Variants in SV2A observed in about 807,000 individuals in gnomAD.
The protein encoded by SV2A is synaptic vesicle glycoprotein 2A, also known as solute carrier family 22 member B1.
In SV2A, 25 loss-of-function variants were observed where a neutral mutation model predicts 78.0. The ratio of observed to expected loss-of-function variants is 0.32; its 90% confidence interval spans 0.23 to 0.45. The LOEUF is 0.45. Ranked by LOEUF, SV2A falls within the 20% of genes least tolerant of loss-of-function variation. The pLI is 1.00. For missense variants in SV2A, 752 were observed against 971.5 expected, an observed-to-expected ratio of 0.77 and a Z score of 3.00; for synonymous variants, 355 against 384.7, an observed-to-expected ratio of 0.92 and a Z score of 0.90.
rs781932582 is a variant in SV2A, at chr1:149,905,947, C to T, written c.1978G>A (p.Gly660Arg). 2 of 1,614,136 alleles carry T rather than the reference C, an allele frequency of 1.2e-6. No homozygotes were observed. The highest frequency in any genetic ancestry group is 1.7e-5 in the Admixed American group (1 of 60,018). The change falls in exon 12 of 13, where the codon GGG becomes AGG. Residue 660 changes from glycine (G) to arginine (R), a missense_variant. Physicochemically the swap from Gly to Arg is moderately radical, Grantham distance 125 (BLOSUM62 -2). This residue lies in a region of SV2A where 186 missense variants were observed against 274.6 expected (regional missense o/e 0.68). Coordinates refer to ENST00000369146, the MANE Select transcript of SV2A (RefSeq NM_014849.5). ...AMIALLCLFG[G>R]VSIASWNALD... ...GCATTCCAGGATGCAATGCTGACCC[C>T]GCCAAAAAGGCAGAGCAGAGCGATC...
chr1:149,905,596 G>A (rs782718727), intron 12 of SV2A: 97 of 352,262 alleles, frequency 2.8e-4, no homozygotes, highest in Non-Finnish European at 4.4e-4. Context: ...TGCGATTACA[G>A]GCACCCAGCT....
chr1:149,909,374 A>C (rs2092460559), intron 7 of SV2A, 87 bp downstream of exon 7: 11 of 1,544,238 alleles, frequency 7.1e-6, no homozygotes, highest in Non-Finnish European at 7.2e-6. Flanking sequence ...CCTTCAGCTC[A>C]CCCATCACCC....
Position 149,908,115 on chromosome 1 carries a change from G to T in SV2A, c.1471C>A (p.Arg491Ser). ...AAGTTAAAAGTTACATGCTCTACGC[G>T]CTCCCCGGGGAACACTTTGGTGCGG... ...ASRTKVFPGE[R>S]VEHVTFNFTL... The change falls in exon 9 of 13, where the codon CGC becomes AGC. Residue 491 changes from arginine to serine, a missense_variant. By Grantham distance (110) the Arg-to-Ser change is moderately radical (BLOSUM62 -1). This residue lies in a region of SV2A where 81 missense variants were observed against 74.2 expected (regional missense o/e 1.09). Transcript: ENST00000369146. 6.2e-7 allele frequency: 1 copy of T among 1,614,140 alleles called. No homozygotes were observed. Among genetic ancestry groups the T allele is most frequent in the African/African-American group, 1.3e-5 (1 of 75,010 alleles).
At position 149,909,632 on chromosome 1, in the gene SV2A, G is replaced by A. The variant is rs975883790; in HGVS notation, c.1180-61C>T. 195 of 1,526,510 alleles carry A rather than the reference G, an allele frequency of 1.3e-4. 1 individual carries two copies. The South Asian group carries it at 1.5e-3, about 11-fold the overall frequency. The allele number at this position is 1,526,510 out of a possible 1,614,324, so 94.6% of individuals were successfully genotyped here. ...CTGTGTTTCCCAACATCGGCCAGGC[G>A]CCTCAGTTTCCCCTGCATTAGCAAA... is the stretch of plus-strand genomic sequence containing the variant. On this transcript the variant is annotated intron_variant, in intron 6 of 12. Transcript: ENST00000369146.
intron 8 of SV2A, among the ~76,000 whole-genome samples, chr1:149,908,660 C>T (rs587646603): frequency 4.6e-5 from 7 of 151,540 alleles, no homozygotes; most frequent in South Asian, 4.2e-4. Context: ...TCTTTTGAGA[C>T]GGAGTCTCGC....
intron 8 of SV2A, 25 bp from the exon 9 acceptor site, chr1:149,908,231 C>T: frequency 6.2e-7 from 1 of 1,602,078 alleles, no homozygotes; most frequent in Non-Finnish European, 8.5e-7. Flanking sequence ...ACAATGGAAA[C>T]AGACAACAGG....
rs782192048 is a variant in SV2A at position 149,913,799 on chromosome 1, C to T, written c.42G>A (p.Gly14=). Residue 14 remains glycine (G), a synonymous_variant, in exon 2 of 13, where the codon GGG becomes GGA. Transcript: ENST00000369146. ...GFRDRAAFIR[G]AKDIAKEVKK... ...TGACTTCCTTAGCAATGTCTTTGGC[C>T]CCACGGATGAAAGCTGCCCGGTCTC... 2.5e-6 allele frequency: 4 copies of T among 1,613,090 alleles called. No individual in the cohort carries two copies. The South Asian group carries it at 3.3e-5, about 13-fold the overall frequency.
chr1:149,906,265 C>A (rs1553762735), intron 11 of SV2A, among the ~76,000 whole-genome samples: 1 of 152,184 alleles, frequency 6.6e-6, no homozygotes, highest in African/African-American at 2.4e-5. Flanking sequence ...CAGCCATGGG[C>A]CAAGGCAATT....
Position 149,913,871 on chromosome 1 carries a change from C to T in SV2A, c.-31G>A, listed in dbSNP as rs1218089536. On this transcript the variant is annotated 5_prime_UTR_variant, in exon 2 of 13. Coordinates refer to ENST00000369146, the MANE Select transcript of SV2A (RefSeq NM_014849.5). ...GGCTTGGGGCACTTCACTGGGTCTTCTCCACCTCCTGCTTCTTTTTCAGCT... is the reference window on the plus strand; with the variant it reads ...GGCTTGGGGCACTTCACTGGGTCTTTTCCACCTCCTGCTTCTTTTTCAGCT... 1.3e-6 allele frequency: 2 copies of T among 1,560,218 alleles called. No individual in the cohort carries two copies. Among genetic ancestry groups the T allele is most frequent in the African/African-American group, 2.7e-5 (2 of 72,748 alleles).
intron 2 of SV2A, 138 bp downstream of exon 2, chr1:149,913,081 C>T: frequency 8.9e-7 from 1 of 1,118,254 alleles, no homozygotes; most frequent in Non-Finnish European, 1.3e-6. Context: ...GAAGAGTGTG[C>T]AGAGGAACCC....
At position 149,907,771 on chromosome 1, in the gene SV2A, A is replaced by G; in HGVS notation, c.1607T>C (p.Phe536Ser). The stretch of plus-strand genomic sequence containing the variant: ...CGTGTTGCTGGATGTGACATCCTCA[A>G]AATAACACTCTTCAAACAGGGAATC... ...FEDSLFEECY[F>S]EDVTSSNTFF... is the part of the protein sequence containing the mutation. Residue 536 changes from phenylalanine to serine, a missense_variant, in exon 10 of 13, where the codon TTT (phenylalanine) becomes TCT (serine). This residue lies in a region of SV2A where 186 missense variants were observed against 274.6 expected (regional missense o/e 0.68). Transcript: ENST00000369146. 1 of 1,614,220 alleles carries G rather than the reference A, an allele frequency of 6.2e-7. No homozygotes were observed. The highest frequency in any genetic ancestry group is 8.5e-7 in the Non-Finnish European group (1 of 1,180,038).
intron 1 of SV2A, among the ~76,000 whole-genome samples, chr1:149,915,859 G>C (rs782441654): frequency 2.6e-5 from 4 of 151,688 alleles, no homozygotes; most frequent in Admixed American, 2.6e-4. Flanking sequence ...TCCTGCCTCC[G>C]GTGCTCCCAC....
At position 149,913,239 on chromosome 1, in the gene SV2A, T is replaced by C; in HGVS notation, c.602A>G (p.Asp201Gly). 1 of 1,613,418 alleles carries C rather than the reference T, an allele frequency of 6.2e-7. No individual in the cohort carries two copies. The highest frequency in any genetic ancestry group is 8.5e-7 in the Non-Finnish European group (1 of 1,179,762). Residue 201 changes from aspartate to glycine, a missense_variant, in exon 2 of 13, where the codon GAC becomes GGC. Asp to Gly is a moderately conservative substitution (Grantham distance 94). Around this residue, in one of 7 missense-constraint regions of SV2A, gnomAD observed 291 missense variants for 359.5 expected, o/e 0.81. Transcript: ENST00000369146. ...CTTACCTAGCATGCCTTTGTTGGAG[T>C]CGGACAGGCACATGTCTTTCTCAGC... is the stretch of plus-strand genomic sequence containing the variant. ...PSAEKDMCLS[D>G]SNKGMLGLIV...
intron 8 of SV2A, among the ~76,000 whole-genome samples, chr1:149,908,491 C>A (rs1170182726): frequency 3.3e-5 from 5 of 152,136 alleles, no homozygotes; most frequent in African/African-American, 4.8e-5. Context: ...AAACACTCTT[C>A]TCCACCCCAG....
Position 149,909,902 on chromosome 1 carries a change from GAC to G in SV2A, c.1090-14_1090-13del, listed in dbSNP as rs1559789229. On this transcript the variant is annotated splice_polypyrimidine_tract_variant and intron_variant, in intron 5 of 12. Transcript: ENST00000369146. ...TCATGCTTTCCATTCTAGAGCCAAA[GAC>G]ACAATCCCCACATCCAAGTCAGCCC... 1 of 1,613,572 alleles carries G rather than the reference GAC, an allele frequency of 6.2e-7. No individual in the cohort carries two copies. Among genetic ancestry groups the G allele is most frequent in the African/African-American group, 1.3e-5 (1 of 74,866 alleles).
At position 149,904,328 on chromosome 1, in the gene SV2A, C is replaced by T. The variant is rs1553762334; in HGVS notation, c.*686G>A. 1.3e-5 allele frequency: 2 copies of T among 152,794 alleles called. No individual in the cohort carries two copies. Among genetic ancestry groups the T allele is most frequent in the Non-Finnish European group, 2.9e-5 (2 of 68,168 alleles). The allele number at this position is 152,794 out of a possible 1,614,324, so 9.5% of individuals were successfully genotyped here. ...AGGACAGTATAGTGATACCCCCCGCCCCATGGCACATGCACACACATATGT... is the reference window on the plus strand; with the variant it reads ...AGGACAGTATAGTGATACCCCCCGCTCCATGGCACATGCACACACATATGT... On this transcript the variant is annotated 3_prime_UTR_variant, in exon 13 of 13. Transcript: ENST00000369146.
At position 149,905,886 on chromosome 1, in the gene SV2A, T is replaced by G. The variant is rs782202297; in HGVS notation, c.2039A>C (p.Asp680Ala). The change falls in exon 12 of 13, where the codon GAC becomes GCC. Residue 680 changes from aspartate to alanine, a missense_variant. Physicochemically the swap from Asp to Ala is moderately radical, Grantham distance 126. This residue lies in a region of SV2A where 186 missense variants were observed against 274.6 expected (regional missense o/e 0.68). Transcript: ENST00000369146. Reference protein sequence around the residue: ...DVLTVELYPSDKRTTAFGFLN... With the variant: ...DVLTVELYPSAKRTTAFGFLN... ...TCCAACACATTCCAACTACCTCTTG[T>G]CTGAGGGGTAGAGTTCAACAGTCAA... 5.6e-6 allele frequency: 9 copies of G among 1,613,948 alleles called. No homozygotes were observed. The Admixed American group carries it at 1.5e-4, about 27-fold the overall frequency.
In SV2A at chr1:149,910,710, G is replaced by A. The variant is rs587644492; in HGVS notation, c.956-7C>T. On this transcript the variant is annotated splice_polypyrimidine_tract_variant and splice_region_variant and intron_variant, in intron 4 of 12. Coordinates refer to ENST00000369146, the MANE Select transcript of SV2A (RefSeq NM_014849.5). This position sits in a 1 kb window ranked among gnomAD's most constrained non-coding sequence, Gnocchi z 4.2. ...CCCATCTGAAAACTCCACCCTGGTA[G>A]GGAGAAAGTGACAGCATCAGCAGAG... 71 of 1,613,822 alleles carry A rather than the reference G, an allele frequency of 4.4e-5. No homozygotes were observed. Among genetic ancestry groups the A allele is most frequent in the Non-Finnish European group, 5.3e-5 (63 of 1,179,846 alleles).
Position 149,906,726 on chromosome 1 carries a change from C to T in SV2A, c.1809G>A (p.Leu603=), listed in dbSNP as rs1386599361. ...TCCCAGGAAGCACTGCCAGTGTCCC[C>T]AGGAAGCTCACAAAGTATACCATGT... ...GAYMVYFVSF[L]GTLAVLPGNI... is the part of the protein sequence containing the mutation. The change falls in exon 11 of 13, where the codon CTG becomes CTA. Residue 603 remains leucine (L), a synonymous_variant. Transcript: ENST00000369146. The T allele has an allele frequency of 6.2e-7, 1 of 1,614,252 alleles. No individual in the cohort carries two copies. Among genetic ancestry groups the T allele is most frequent in the Admixed American group, 1.7e-5 (1 of 60,032 alleles).
Sources: gnomAD v4.1 joint callset for allele counts (sites outside exome capture counted in the v4.1 genomes callset) on GRCh38, gnomAD v4.1.1 for gene constraint, gnomAD v4.1.1 regional missense constraint, Gnocchi (gnomAD v3.1) non-coding constraint, MANE v1.5 for transcripts, NCBI Gene and HGNC (gene_info 2026-07-23, HGNC 2026-07-21) for gene names.